Variants in CNTN1 observed in about 807,000 individuals in gnomAD.
CNTN1 encodes contactin-1.
Under a neutral mutation model 126.4 loss-of-function variants are expected in CNTN1, and 38 were observed. That is an observed-to-expected ratio of 0.30 (90% CI 0.23 to 0.39). CNTN1 has a LOEUF of 0.39. Among genes scored for constraint, CNTN1 ranks in the 10% least tolerant of loss-of-function variants. The pLI is 1.00. For synonymous variants in CNTN1, 413 were observed against 422.6 expected (o/e 0.98, Z 0.28); for missense variants, 1,009 against 1,248.4 (o/e 0.81, Z 2.89).
At chr12:40,781,698 C>T (rs997033321) in intron 1 of CNTN1, among the ~76,000 whole-genome samples, 1 of 151,868 alleles carries the variant, frequency 6.6e-6, no homozygotes, top group Non-Finnish European at 1.5e-5. Flanking sequence ...CATAAAAACC[C>T]AAAAGCAACA....
At chr12:40,937,864 A>G (rs1405401005) in intron 11 of CNTN1, among the ~76,000 whole-genome samples, 177 bp downstream of exon 11, 1 of 152,208 alleles carries the variant, frequency 6.6e-6, no homozygotes, top group Non-Finnish European at 1.5e-5. Flanking sequence ...AAACAATGGA[A>G]TAGAATGAAT....
intron 1 of CNTN1, among the ~76,000 whole-genome samples, chr12:40,785,954 A>G (rs1455194971): frequency 6.6e-6 from 1 of 152,108 alleles, no homozygotes; most frequent in Non-Finnish European, 1.5e-5. Flanking sequence ...AACATTGGGG[A>G]TTACATTTCG....
intron 4 of CNTN1, 94 bp downstream of exon 4, chr12:40,918,865 T>C: frequency 6.8e-7 from 1 of 1,467,342 alleles, no homozygotes; most frequent in East Asian, 2.3e-5. Context: ...TATAGTGCTT[T>C]CTGCAAATTC....
At chr12:40,789,093 A>G (rs567528656) in intron 1 of CNTN1, among the ~76,000 whole-genome samples, 1 of 152,232 alleles carries the variant, frequency 6.6e-6, no homozygotes, top group South Asian at 2.1e-4. Context: ...ATTGCTATAT[A>G]ATTATTATTT....
At chr12:40,973,387 G>A (rs902569938) in intron 15 of CNTN1, among the ~76,000 whole-genome samples, 12 of 152,122 alleles carry the variant, frequency 7.9e-5, no homozygotes, top group African/African-American at 2.7e-4. Flanking sequence ...ATTCCTTGGC[G>A]AAGAAGATGT....
intron 1 of CNTN1, among the ~76,000 whole-genome samples, chr12:40,905,878 A>C (rs977553822): frequency 2.0e-5 from 3 of 152,224 alleles, no homozygotes; most frequent in Non-Finnish European, 2.9e-5. Context: ...ACACATTTCA[A>C]AAATTTTCAC....
In CNTN1 at chr12:40,924,632, A is replaced by AC. The variant is rs1410982143; in HGVS notation, c.482dup (p.Tyr162IlefsTer6). 10 of 1,594,962 alleles carry AC rather than the reference A, an allele frequency of 6.3e-6. No individual in the cohort carries two copies. Among genetic ancestry groups the AC allele is most frequent in the African/African-American group, 1.3e-5 (1 of 74,344 alleles). On this transcript the variant is annotated frameshift_variant, in exon 6 of 24. Coordinates refer to ENST00000551295, the MANE Select transcript of CNTN1 (RefSeq NM_001843.4). LOFTEE classifies it high-confidence loss of function. Reference sequence around the variant, plus strand: ...GGGAAAGGAATGGTGCTTCTCTGTGACCCCCCATACCATTTTCCAGGTAAA... The same window carrying AC: ...GGGAAAGGAATGGTGCTTCTCTGTGACCCCCCCATACCATTTTCCAGGTAAA...
intron 15 of CNTN1, among the ~76,000 whole-genome samples, chr12:40,973,115 T>C (rs1462301116): frequency 1.3e-5 from 2 of 152,072 alleles, no homozygotes; most frequent in Admixed American, 1.3e-4. Flanking sequence ...ATTATACAGG[T>C]TCATTTATCT....
At chr12:40,703,922 T>A (rs1941667504) in intron 1 of CNTN1, among the ~76,000 whole-genome samples, 1 of 152,092 alleles carries the variant, frequency 6.6e-6, no homozygotes, top group Non-Finnish European at 1.5e-5. Context: ...ACTAAGTGTG[T>A]AAAATAGATA....
chr12:40,915,272 A>C (rs1945189463), intron 3 of CNTN1, among the ~76,000 whole-genome samples: 1 of 152,172 alleles, frequency 6.6e-6, no homozygotes, highest in South Asian at 2.1e-4. Flanking sequence ...CAGTAATCAA[A>C]GCAATTCTGA....
rs556601462 is a variant in CNTN1, at chr12:40,944,001, C to T, written c.1514C>T (p.Thr505Met). Residue 505 changes from threonine (T) to methionine (M), a missense_variant, in exon 14 of 24, where the codon ACG becomes ATG. Coordinates refer to ENST00000551295, the MANE Select transcript of CNTN1 (RefSeq NM_001843.4). ...TACATTTAAAAATATATAGATCCTACGCGAATTATATTGGCCCCAATTAAT... is the reference window on the plus strand; with the variant it reads ...TACATTTAAAAATATATAGATCCTATGCGAATTATATTGGCCCCAATTAAT... ...STGTLVITDP[T>M]RIILAPINAD... is the part of the protein sequence containing the mutation. 15 of 1,612,972 alleles carry T rather than the reference C, an allele frequency of 9.3e-6. No homozygotes were observed. Among genetic ancestry groups the T allele is most frequent in the African/African-American group, 2.7e-5 (2 of 74,854 alleles).
intron 17 of CNTN1, among the ~76,000 whole-genome samples, chr12:40,999,742 G>A (rs1019263472): frequency 1.8e-4 from 22 of 119,806 alleles, no homozygotes; most frequent in African/African-American, 1.7e-4. Context: ...TTGCTCTGTC[G>A]CCCAGGCTGG....
chr12:40,962,985 G>A (rs1036366609), intron 15 of CNTN1, among the ~76,000 whole-genome samples: 6 of 151,974 alleles, frequency 3.9e-5, no homozygotes, highest in African/African-American at 1.5e-4. Context: ...ATATAAAATC[G>A]AAGATGAAGA....
intron 1 of CNTN1, among the ~76,000 whole-genome samples, chr12:40,756,785 G>C (rs79540532): frequency 0.022 from 3,321 of 152,150 alleles, 118 homozygotes; most frequent in African/African-American, 0.076. Flanking sequence ...CTGCTTTGTT[G>C]CTTGCTTTAT....
intron 1 of CNTN1, among the ~76,000 whole-genome samples, chr12:40,768,064 C>A (rs551634554): frequency 1.3e-5 from 2 of 152,200 alleles, no homozygotes; most frequent in South Asian, 4.1e-4. Flanking sequence ...AAATAAATTT[C>A]TTCACAGTAC....
At position 40,749,010 on chromosome 12, in the gene CNTN1, G is replaced by A. The variant is rs562607985; in HGVS notation, c.-77+56418G>A. 2.0e-5 allele frequency among the ~76,000 whole-genome samples: 3 copies of A among 152,172 alleles called. No individual in the cohort carries two copies. The East Asian group carries it at 5.8e-4, about 29-fold the overall frequency. On this transcript the variant is annotated intron_variant, in intron 1 of 23. Coordinates refer to ENST00000551295, the MANE Select transcript of CNTN1 (RefSeq NM_001843.4). The stretch of plus-strand genomic sequence containing the variant: ...TTCTTTTACCTGGTTTTATACCACA[G>A]TATTCTTTGATATTAGTGAATTATT...
intron 1 of CNTN1, among the ~76,000 whole-genome samples, chr12:40,888,254 C>T (rs1425125183): frequency 1.3e-5 from 2 of 151,984 alleles, no homozygotes; most frequent in African/African-American, 4.8e-5. Context: ...TTTATATGTT[C>T]TTATTCACTG....
In CNTN1 at chr12:40,700,782, T is replaced by C. The variant is rs889341063; in HGVS notation, c.-77+8190T>C. On this transcript the variant is annotated intron_variant, in intron 1 of 23. Coordinates refer to ENST00000551295, the MANE Select transcript of CNTN1 (RefSeq NM_001843.4). ...GAGATATAAGATTGATTTTTAAAAATTGACTTGTGCAAACATCTTCTCTAT... is the reference window on the plus strand; with the variant it reads ...GAGATATAAGATTGATTTTTAAAAACTGACTTGTGCAAACATCTTCTCTAT... 6.6e-5 allele frequency among the ~76,000 whole-genome samples: 10 copies of C among 152,148 alleles called. No individual in the cohort carries two copies. The South Asian group carries it at 8.3e-4, about 13-fold the overall frequency.
chr12:40,750,674 G>T (rs934329206), intron 1 of CNTN1, among the ~76,000 whole-genome samples: 8 of 151,948 alleles, frequency 5.3e-5, no homozygotes, highest in African/African-American at 1.4e-4. Flanking sequence ...AAATTAAAAA[G>T]CATGGACACC....
Sources: gnomAD v4.1 joint callset for allele counts (sites outside exome capture counted in the v4.1 genomes callset) on GRCh38, gnomAD v4.1.1 for gene constraint, MANE v1.5 for transcripts, NCBI Gene and HGNC (gene_info 2026-07-23, HGNC 2026-07-21) for gene names.